Variants in CBL observed in about 807,000 individuals in gnomAD.
CBL encodes the protein E3 ubiquitin-protein ligase CBL.
CBL carries 45 observed loss-of-function variants against 96.9 expected under a neutral mutation model. The ratio of observed to expected loss-of-function variants is 0.46; its 90% CI spans 0.37 to 0.60. The LOEUF is 0.60. Among genes scored for constraint, CBL ranks in the 20% least tolerant of loss-of-function variants. The pLI, the probability that CBL is intolerant of heterozygous loss-of-function variation, is 0.00. For synonymous variants in CBL, 420 were observed against 426.8 expected (o/e 0.98, Z 0.20); for missense variants, 1,024 against 1,143.5 (o/e 0.90, Z 1.51).
At chr11:119,287,109 T>C (rs1949990052) in intron 11 of CBL, among the ~76,000 whole-genome samples, 1 of 152,168 alleles carries the variant, frequency 6.6e-6, no homozygotes, top group South Asian at 2.1e-4. Flanking sequence ...AGGGGTTTAA[T>C]ATAGCCAGTA....
intron 4 of CBL, 40 bp from the exon 5 acceptor site, chr11:119,274,792 A>C: frequency 6.2e-7 from 1 of 1,608,880 alleles, no homozygotes; most frequent in Non-Finnish European, 8.5e-7. Context: ...TTGGTTGTAC[A>C]TCTGACCTGA....
rs556910491 is a variant in CBL, at chr11:119,270,052, A to G, written c.444-1683A>G. 2.0e-5 allele frequency among the ~76,000 whole-genome samples: 3 copies of G among 152,268 alleles called. No individual in the cohort carries two copies. The East Asian group carries it at 5.8e-4, about 29-fold the overall frequency. On this transcript the variant is annotated intron_variant, in intron 2 of 15. Transcript: ENST00000264033. Reference sequence around the variant, plus strand: ...ATGACAAGAATAAACTTTTGAATACATAAATACAAATTATTGGGTCAAAGG... The same window carrying G: ...ATGACAAGAATAAACTTTTGAATACGTAAATACAAATTATTGGGTCAAAGG...
chr11:119,246,891 AAAAT>A (rs1949635889), intron 2 of CBL, among the ~76,000 whole-genome samples: 1 of 152,228 alleles, frequency 6.6e-6, no homozygotes, highest in South Asian at 2.1e-4. Context: ...GGTCACTTGG[AAAAT>A]ATTGATTGAC....
intron 15 of CBL, among the ~76,000 whole-genome samples, chr11:119,298,747 T>C (rs987326438): frequency 1.3e-5 from 2 of 152,268 alleles, no homozygotes; most frequent in Non-Finnish European, 2.9e-5. Flanking sequence ...AGGTCATTCC[T>C]TAAACTCTGG....
chr11:119,235,376 T>G (rs1429155052), intron 2 of CBL, among the ~76,000 whole-genome samples: 1 of 152,114 alleles, frequency 6.6e-6, no homozygotes, highest in Non-Finnish European at 1.5e-5. Context: ...TGGCCTCTAT[T>G]TTATATGTAT....
At chr11:119,231,728 A>G (rs1949503130) in intron 1 of CBL, among the ~76,000 whole-genome samples, 2 of 152,040 alleles carry the variant, frequency 1.3e-5, no homozygotes, top group Admixed American at 1.3e-4. Flanking sequence ...ACAAACAAAC[A>G]AAGCTCAAGA....
intron 1 of CBL, among the ~76,000 whole-genome samples, chr11:119,224,417 A>G (rs898676808): frequency 1.3e-5 from 2 of 151,874 alleles, no homozygotes; most frequent in Admixed American, 1.3e-4. Flanking sequence ...CCCCCATTGA[A>G]AGTCACACAT....
At chr11:119,266,562 A>G (rs1455489282) in intron 2 of CBL, among the ~76,000 whole-genome samples, 2 of 152,208 alleles carry the variant, frequency 1.3e-5, no homozygotes, top group African/African-American at 2.4e-5. Context: ...CCTGAGGCAC[A>G]AAGGTACGTT....
rs372834563 is a variant in CBL, at chr11:119,246,116, A to T, written c.443+13421A>T. On this transcript the variant is annotated intron_variant, in intron 2 of 15. Transcript: ENST00000264033. The stretch of plus-strand genomic sequence containing the variant: ...CAGTCTCCCAAGTAGCTGGGACTAC[A>T]GGCGCGCGCCACCATGCCCAGCTAA... Among the ~76,000 whole-genome samples the T allele has an allele frequency of 1.6e-4, 24 of 151,350 alleles. No individual in the cohort carries two copies. In the East Asian group the frequency reaches 4.5e-3, roughly 29 times the overall value.
intron 2 of CBL, among the ~76,000 whole-genome samples, chr11:119,255,043 G>A (rs1949700738): frequency 6.6e-6 from 1 of 152,122 alleles, no homozygotes; most frequent in South Asian, 2.1e-4. Flanking sequence ...GGCGTGCTTG[G>A]ATTGGGGCAT....
chr11:119,238,367 C>A (rs1949560875), intron 2 of CBL, among the ~76,000 whole-genome samples: 1 of 151,810 alleles, frequency 6.6e-6, no homozygotes, highest in Non-Finnish European at 1.5e-5. Flanking sequence ...GCACCACAAC[C>A]CCTGGCTAAG....
chr11:119,292,513 C>T (rs976840275), intron 12 of CBL, among the ~76,000 whole-genome samples: 6 of 151,990 alleles, frequency 3.9e-5, no homozygotes, highest in African/African-American at 7.3e-5. Context: ...CTCCGCCTCC[C>T]GGGTTCATGC....
chr11:119,289,933 A>G (rs1950012918), intron 12 of CBL, among the ~76,000 whole-genome samples: 1 of 152,122 alleles, frequency 6.6e-6, no homozygotes, highest in African/African-American at 2.4e-5. Flanking sequence ...TATTTTTAAT[A>G]GAGACAAGGT....
At chr11:119,209,762 GGAGCT>G (rs1482673317) in intron 1 of CBL, among the ~76,000 whole-genome samples, 2 of 152,174 alleles carry the variant, frequency 1.3e-5, no homozygotes, top group African/African-American at 4.8e-5. Flanking sequence ...ATTAGCACTG[GGAGCT>G]GTTAGTCTCT....
chr11:119,247,093 G>T (rs1949637070), intron 2 of CBL, among the ~76,000 whole-genome samples: 1 of 152,154 alleles, frequency 6.6e-6, no homozygotes, highest in Non-Finnish European at 1.5e-5. Context: ...TTTATCATCA[G>T]GTGACAGGGC....
chr11:119,221,258 A>G (rs1050854206), intron 1 of CBL, among the ~76,000 whole-genome samples: 3 of 151,276 alleles, frequency 2.0e-5, no homozygotes, highest in Non-Finnish European at 4.4e-5. Flanking sequence ...AAAAAAAAAA[A>G]GTATAGGTTT....
chr11:119,237,058 T>A (rs1949552085), intron 2 of CBL, among the ~76,000 whole-genome samples: 1 of 152,222 alleles, frequency 6.6e-6, no homozygotes, highest in Admixed American at 6.5e-5. Flanking sequence ...AAAGCATCCC[T>A]TTGTACAGCA....
chr11:119,246,680 G>C (rs1482429759), intron 2 of CBL, among the ~76,000 whole-genome samples: 1 of 152,074 alleles, frequency 6.6e-6, no homozygotes, highest in East Asian at 1.9e-4. Context: ...TTGAACTCCT[G>C]ACCTCAAGTG....
intron 1 of CBL, among the ~76,000 whole-genome samples, chr11:119,215,828 A>G (rs541927375): frequency 6.6e-6 from 1 of 152,110 alleles, no homozygotes; most frequent in Admixed American, 6.6e-5. Context: ...CTCTGTCTCA[A>G]AAAAGAAAAA....
Sources: allele counts gnomAD v4.1 joint callset (sites outside exome capture counted in the v4.1 genomes callset), GRCh38; gene constraint gnomAD v4.1.1; transcripts MANE v1.5; gene names NCBI Gene and HGNC (gene_info 2026-07-23, HGNC 2026-07-21).